The following ELMO1 variants were observed in gnomAD, a reference collection of about 807,000 sequenced individuals.
The protein encoded by ELMO1 is engulfment and cell motility protein 1.
ELMO1 carries 26 observed loss-of-function variants against 98.9 expected under a neutral mutation model. The ratio of observed to expected loss-of-function variants is 0.26; its 90% CI spans 0.19 to 0.36. The LOEUF (loss-of-function observed/expected upper bound fraction) is 0.36, where lower values mean the gene tolerates loss of function less well. ELMO1 is among the 10% of genes least tolerant of loss of function. The pLI is 1.00. For missense variants in ELMO1, 627 were observed against 935.2 expected, an observed-to-expected ratio of 0.67 and a Z score of 4.30; for synonymous variants, 346 against 346.0, an observed-to-expected ratio of 1.00 and a Z score of 0.00.
chr7:37,053,199 T>C (rs1796205767), intron 15 of ELMO1, among the ~76,000 whole-genome samples: 1 of 151,874 alleles, frequency 6.6e-6, no homozygotes, highest in East Asian at 1.9e-4. Context: ...ACTTGAATCA[T>C]AGCAATGTCC....
At chr7:37,383,725 G>T (rs117946479) in intron 1 of ELMO1, among the ~76,000 whole-genome samples, 1,563 of 152,186 alleles carry the variant, frequency 0.01, 12 homozygotes, top group Admixed American at 0.019. Flanking sequence ...ACTATGTTAC[G>T]GGAAAAGAGT....
At chr7:37,064,280 G>A (rs1562977014) in intron 15 of ELMO1, among the ~76,000 whole-genome samples, 1 of 152,180 alleles carries the variant, frequency 6.6e-6, no homozygotes, top group South Asian at 2.1e-4. Context: ...ATGCTAGGAG[G>A]GTGATGCTGC....
At chr7:37,253,691 G>A (rs933508388) in intron 6 of ELMO1, among the ~76,000 whole-genome samples, 4 of 145,240 alleles carry the variant, frequency 2.8e-5, no homozygotes, top group South Asian at 4.4e-4. Context: ...AAACCTGCAC[G>A]TTCTGCACAT....
intron 2 of ELMO1, among the ~76,000 whole-genome samples, chr7:37,331,073 A>G (rs1482857878): frequency 8.1e-3 from 2 of 246 alleles, no homozygotes; most frequent in African/African-American, 0.026. Context: ...ACAATTTAAA[A>G]CTTATGAGTG....
intron 1 of ELMO1, chr7:37,419,845 T>A (rs1562680318): frequency 6.6e-6 from 1 of 152,318 alleles, no homozygotes; most frequent in East Asian, 1.9e-4. Context: ...AGTGGCAACA[T>A]TTTCATATCA....
At chr7:37,011,492 T>G (rs1793555077) in intron 16 of ELMO1, among the ~76,000 whole-genome samples, 1 of 152,240 alleles carries the variant, frequency 6.6e-6, no homozygotes, top group South Asian at 2.1e-4. Context: ...TCATAATATT[T>G]TCTACACAGC....
intron 16 of ELMO1, among the ~76,000 whole-genome samples, chr7:36,919,596 C>A (rs1192398756): frequency 6.6e-6 from 1 of 152,150 alleles, no homozygotes; most frequent in African/African-American, 2.4e-5. Context: ...GTGCCTAGAA[C>A]AGAGTAGGCC....
chr7:37,297,444 G>A (rs537228656), intron 4 of ELMO1, among the ~76,000 whole-genome samples: 16 of 152,024 alleles, frequency 1.1e-4, no homozygotes, highest in Middle Eastern at 3.4e-3. Flanking sequence ...AATAACTCAT[G>A]AAAGTGCCTG....
At chr7:36,928,014 T>C (rs765813390) in intron 16 of ELMO1, among the ~76,000 whole-genome samples, 3 of 152,214 alleles carry the variant, frequency 2.0e-5, no homozygotes, top group Non-Finnish European at 2.9e-5. Context: ...CCAAAATTTA[T>C]CGCTTTGTGC....
At chr7:36,990,950 C>T (rs1791833425) in intron 16 of ELMO1, among the ~76,000 whole-genome samples, 1 of 152,086 alleles carries the variant, frequency 6.6e-6, no homozygotes, top group South Asian at 2.1e-4. Context: ...ATTTACCGGG[C>T]ACTAAGAGAG....
intron 1 of ELMO1, among the ~76,000 whole-genome samples, chr7:37,432,038 C>T (rs567055578): frequency 3.9e-5 from 6 of 152,272 alleles, no homozygotes; most frequent in South Asian, 2.1e-4. Flanking sequence ...TATGCCACCA[C>T]GCCTGGCTAA....
chr7:36,909,748 G>A (rs966697249), intron 16 of ELMO1, among the ~76,000 whole-genome samples: 1 of 152,112 alleles, frequency 6.6e-6, no homozygotes, highest in Non-Finnish European at 1.5e-5. Flanking sequence ...TTCCTTATTT[G>A]CTTTGGTTAT....
chr7:36,953,842 TGTGTGTGTG>T (rs1788209745), intron 16 of ELMO1, among the ~76,000 whole-genome samples: 3 of 4,382 alleles, frequency 6.8e-4, no homozygotes, highest in African/African-American at 6.1e-3. Context: ...GTATGTTTTG[TGTGTGTGTG>T]TGTGTGTGTG....
intron 2 of ELMO1, among the ~76,000 whole-genome samples, chr7:37,334,572 G>T (rs1338298944): frequency 6.6e-6 from 1 of 152,196 alleles, no homozygotes; most frequent in East Asian, 1.9e-4. Flanking sequence ...CTATGAAGTA[G>T]GGAGCCTAAG....
intron 13 of ELMO1, among the ~76,000 whole-genome samples, chr7:37,151,738 T>C (rs1418885014): frequency 6.6e-6 from 1 of 152,186 alleles, no homozygotes. Context: ...ATGGACATAG[T>C]TCTGGTTTAA....
intron 9 of ELMO1, 51 bp from the exon 10 acceptor site, chr7:37,222,744 G>A: frequency 6.4e-7 from 1 of 1,565,300 alleles, no homozygotes; most frequent in Admixed American, 1.7e-5. Context: ...GTCAGAAGAG[G>A]CTAGCCCTGG....
At chr7:37,259,150 A>G in intron 6 of ELMO1, 31 bp downstream of exon 6, 1 of 1,590,334 alleles carries the variant, frequency 6.3e-7, no homozygotes, top group African/African-American at 1.3e-5. Context: ...CACGCAGGAC[A>G]GCTGTGGAAG....
chr7:36,978,693 C>T (rs1017723822), intron 16 of ELMO1, among the ~76,000 whole-genome samples: 3 of 152,170 alleles, frequency 2.0e-5, no homozygotes, highest in Admixed American at 6.5e-5. Flanking sequence ...TTCTTGAATG[C>T]CGCCAGGCAT....
At chr7:37,127,262 G>A (rs1786592229) in intron 14 of ELMO1, among the ~76,000 whole-genome samples, 1 of 152,276 alleles carries the variant, frequency 6.6e-6, no homozygotes, top group Non-Finnish European at 1.5e-5. Flanking sequence ...ATGGCTTCCT[G>A]ACCATGCTAG....
Sources: gnomAD v4.1 joint callset for allele counts (sites outside exome capture counted in the v4.1 genomes callset) on GRCh38, gnomAD v4.1.1 for gene constraint, MANE v1.5 for transcripts, NCBI Gene and HGNC (gene_info 2026-07-23, HGNC 2026-07-21) for gene names.